SLAIN1: variants seen among roughly 807,000 people sequenced by gnomAD.
SLAIN1 encodes SLAIN family member 1, also known as SLAIN motif-containing protein 1.
SLAIN1 carries 17 observed loss-of-function variants against 55.4 expected under a neutral mutation model. The ratio of observed to expected loss-of-function variants is 0.31; its 90% CI spans 0.21 to 0.46. The LOEUF is 0.46. Ranked by LOEUF, SLAIN1 falls within the 20% of genes least tolerant of loss-of-function variation. SLAIN1 has a pLI of 1.00. For synonymous variants in SLAIN1, 348 were observed against 337.4 expected, an observed-to-expected ratio of 1.03 and a Z score of -0.35; for missense variants, 682 against 785.1, an observed-to-expected ratio of 0.87 and a Z score of 1.57.
chr13:77,725,978 C>T (rs933752253), intron 2 of SLAIN1, among the ~76,000 whole-genome samples: 1 of 152,222 alleles, frequency 6.6e-6, no homozygotes, highest in Non-Finnish European at 1.5e-5. Flanking sequence ...GCCTATTTCT[C>T]TTCTTGCTGC....
At chr13:77,738,020 CTG>C (rs1873213443) in intron 2 of SLAIN1, among the ~76,000 whole-genome samples, 1 of 152,058 alleles carries the variant, frequency 6.6e-6, no homozygotes, top group African/African-American at 2.4e-5. Context: ...CTCGGAATGA[CTG>C]TGGAGCAGGG....
rs77457081 is a variant in SLAIN1 at position 77,757,760 on chromosome 13, A to T, written c.1415-3068A>T. On this transcript the variant is annotated intron_variant, in intron 5 of 6. Transcript: ENST00000418532. ...CCATCAAAGTTGCTGCAAAATATTA[A>T]TTTGTTTCTTTTTATGGGTGAGTAG... Among the ~76,000 whole-genome samples, 978 of 152,138 alleles carry T rather than the reference A, an allele frequency of 6.4e-3. 6 individuals carry two copies. The highest frequency in any genetic ancestry group is 0.022 in the African/African-American group (922 of 41,518).
chr13:77,731,059 A>G (rs1165690482), intron 2 of SLAIN1, among the ~76,000 whole-genome samples: 1 of 152,180 alleles, frequency 6.6e-6, no homozygotes, highest in African/African-American at 2.4e-5. Flanking sequence ...TCATGTTTTA[A>G]CAGGAGTTCT....
intron 5 of SLAIN1, 33 bp downstream of exon 5, chr13:77,753,391 G>C (rs202093653): frequency 9.6e-7 from 1 of 1,040,124 alleles, no homozygotes; most frequent in African/African-American, 1.7e-5. Flanking sequence ...ATTATATATT[G>C]TATAATTGTA....
At chr13:77,726,488 G>A (rs76915919) in intron 2 of SLAIN1, among the ~76,000 whole-genome samples, 5,284 of 151,842 alleles carry the variant, frequency 0.035, 124 homozygotes, top group Admixed American at 0.079. Flanking sequence ...GTGCAGTGAC[G>A]CAACCACGGC....
At chr13:77,726,611 G>C (rs2091310341) in intron 2 of SLAIN1, among the ~76,000 whole-genome samples, 1 of 152,050 alleles carries the variant, frequency 6.6e-6, no homozygotes, top group African/African-American at 2.4e-5. Context: ...GCAGGGTCAG[G>C]ATTTTGCCAT....
intron 4 of SLAIN1, among the ~76,000 whole-genome samples, chr13:77,749,731 C>A (rs530692652): frequency 2.8e-4 from 42 of 152,228 alleles, no homozygotes; most frequent in Non-Finnish European, 4.9e-4. Flanking sequence ...TAAAACGTTC[C>A]ACATTGTTTG....
intron 3 of SLAIN1, among the ~76,000 whole-genome samples, chr13:77,745,050 C>T (rs550990067): frequency 6.6e-6 from 1 of 152,094 alleles, no homozygotes; most frequent in African/African-American, 2.4e-5. Flanking sequence ...GAACAGAGGA[C>T]AGACTAGTGG....
At chr13:77,729,587 C>G (rs2091338449) in intron 2 of SLAIN1, among the ~76,000 whole-genome samples, 1 of 151,690 alleles carries the variant, frequency 6.6e-6, no homozygotes, top group Admixed American at 6.6e-5. Context: ...TTTCTAGACT[C>G]TCTTTTCTGA....
chr13:77,748,968 T>C (rs1874028238), intron 4 of SLAIN1, among the ~76,000 whole-genome samples: 1 of 152,242 alleles, frequency 6.6e-6, no homozygotes, highest in Non-Finnish European at 1.5e-5. Flanking sequence ...GCATGTAGCC[T>C]GGAGTGGATG....
At chr13:77,735,619 AT>A (rs1285808850) in intron 2 of SLAIN1, among the ~76,000 whole-genome samples, 27 of 152,180 alleles carry the variant, frequency 1.8e-4, no homozygotes, top group African/African-American at 6.5e-4. Context: ...ATTAAATTCA[AT>A]TCTCAGTGTA....
At chr13:77,752,288 CTT>C (rs79381085) in intron 4 of SLAIN1, among the ~76,000 whole-genome samples, 8 of 94,174 alleles carry the variant, frequency 8.5e-5, no homozygotes, top group Admixed American at 1.1e-4. Context: ...TTCTAGGGTT[CTT>C]TTTTTTTTTT....
chr13:77,704,075 T>C (rs1290003306), intron 1 of SLAIN1, among the ~76,000 whole-genome samples: 8 of 122,566 alleles, frequency 6.5e-5, no homozygotes, highest in African/African-American at 9.7e-5. Flanking sequence ...ACATAGAAAA[T>C]ATATATACAT....
chr13:77,716,071 G>A (rs1427350078), intron 1 of SLAIN1, among the ~76,000 whole-genome samples: 1 of 150,734 alleles, frequency 6.6e-6, no homozygotes, highest in African/African-American at 2.4e-5. Context: ...TTTTGTCTGT[G>A]CTCTATTTTG....
intron 2 of SLAIN1, 103 bp downstream of exon 2, chr13:77,719,774 C>A (rs1158405747): frequency 3.0e-6 from 4 of 1,316,542 alleles, no homozygotes; most frequent in Non-Finnish European, 4.2e-6. Flanking sequence ...AATTCTTACC[C>A]TGAGGTGCAG....
chr13:77,724,966 A>G (rs1046334539), intron 2 of SLAIN1, among the ~76,000 whole-genome samples: 51 of 152,202 alleles, frequency 3.4e-4, no homozygotes, highest in African/African-American at 1.2e-3. Flanking sequence ...TCATTTGAAT[A>G]TAAATTGCCC....
At chr13:77,703,811 G>C (rs184764996) in intron 1 of SLAIN1, among the ~76,000 whole-genome samples, 21 of 150,684 alleles carry the variant, frequency 1.4e-4, no homozygotes, top group Admixed American at 5.3e-4. Flanking sequence ...AAAACTTGCA[G>C]AGATTGAAGG....
chr13:77,719,925 C>CTT (rs559898406), intron 2 of SLAIN1, among the ~76,000 whole-genome samples: 2 of 148,538 alleles, frequency 1.3e-5, no homozygotes, highest in African/African-American at 4.9e-5. Flanking sequence ...AAATTTATTT[C>CTT]TTTTTTTTTT....
At chr13:77,733,216 T>C (rs1284093243) in intron 2 of SLAIN1, among the ~76,000 whole-genome samples, 1 of 152,162 alleles carries the variant, frequency 6.6e-6, no homozygotes, top group Non-Finnish European at 1.5e-5. Flanking sequence ...TACCTGCCAA[T>C]TGTCAGGAGT....
Sources: allele counts gnomAD v4.1 joint callset (sites outside exome capture counted in the v4.1 genomes callset), GRCh38; gene constraint gnomAD v4.1.1; transcripts MANE v1.5; gene names NCBI Gene and HGNC (gene_info 2026-07-23, HGNC 2026-07-21).